The following NAA35 variants were observed in gnomAD, a reference collection of about 807,000 sequenced individuals.
NAA35 encodes the protein MAK10 homolog, amino-acid N-acetyltransferase subunit.
In NAA35, 18 loss-of-function variants were observed where a neutral mutation model predicts 101.7. The observed-to-expected ratio is 0.18, with a 90% CI of 0.12 to 0.26. The LOEUF (loss-of-function observed/expected upper bound fraction) is 0.26. Ranked by LOEUF, NAA35 falls within the 10% of genes least tolerant of loss-of-function variation. The pLI is 1.00. For synonymous variants in NAA35, 267 were observed against 273.1 expected (o/e 0.98, Z 0.22); for missense variants, 601 against 886.8 (o/e 0.68, Z 4.09).
At chr9:85,955,824 G>A (rs1354183076) in intron 2 of NAA35, among the ~76,000 whole-genome samples, 1 of 152,172 alleles carries the variant, frequency 6.6e-6, no homozygotes, top group Non-Finnish European at 1.5e-5. Context: ...AAGTTTCTCA[G>A]TTGACCCTAA....
chr9:86,020,914 A>G lies in NAA35; in HGVS notation c.2063A>G (p.Lys688Arg). Residue 688 changes from lysine to arginine, a missense_variant, in exon 22 of 23, where the codon AAA becomes AGA. Lys to Arg is a conservative substitution (Grantham distance 26, BLOSUM62 2). Transcript: ENST00000361671. Reference sequence around the variant, plus strand: ...GTTAATAGAATTTTAAAGGTTGCCAAACCCAACTTTGTGGTTATGAAGTTA... The same window carrying G: ...GTTAATAGAATTTTAAAGGTTGCCAGACCCAACTTTGTGGTTATGAAGTTA... ...HEVNRILKVA[K>R]PNFVVMKLLA... 1.2e-6 allele frequency: 2 copies of G among 1,613,720 alleles called. No individual in the cohort carries two copies. The highest frequency in any genetic ancestry group is 1.7e-6 in the Non-Finnish European group (2 of 1,179,774).
intron 6 of NAA35, among the ~76,000 whole-genome samples, chr9:85,967,774 C>T (rs1420016427): frequency 6.6e-6 from 1 of 151,548 alleles, no homozygotes; most frequent in African/African-American, 2.4e-5. Flanking sequence ...TGCACTCCAG[C>T]CTGGGTGACA....
Position 86,022,095 on chromosome 9 carries a change from TTA to T in NAA35, c.*136_*137del, listed in dbSNP as rs1832588453. Reference sequence around the variant, plus strand: ...TAACAACTCATTATAAGGAATACTTTTAGTTTGACAGCCTTATATGACATGAA... The same window carrying T: ...TAACAACTCATTATAAGGAATACTTTGTTTGACAGCCTTATATGACATGAA... On this transcript the variant is annotated 3_prime_UTR_variant, in exon 23 of 23. Coordinates refer to ENST00000361671, the MANE Select transcript of NAA35 (RefSeq NM_024635.4). The T allele has an allele frequency of 7.7e-6, 5 of 649,060 alleles. No individual in the cohort carries two copies. The highest frequency in any genetic ancestry group is 1.3e-5 in the Non-Finnish European group (5 of 381,770). 40.2% of individuals were successfully genotyped at this position (649,060 alleles called of 1,614,324 possible). A position where few individuals can be genotyped will look rare whatever the true frequency, so the allele number is the denominator to read the frequency against.
chr9:85,983,705 T>C (rs1444961858), intron 11 of NAA35, among the ~76,000 whole-genome samples: 1 of 152,068 alleles, frequency 6.6e-6, no homozygotes, highest in Non-Finnish European at 1.5e-5. Flanking sequence ...TTCAGAGAGA[T>C]ACCTAATGTA....
chr9:86,020,000 G>A (rs767120471), intron 21 of NAA35, among the ~76,000 whole-genome samples: 2 of 152,216 alleles, frequency 1.3e-5, no homozygotes, highest in Non-Finnish European at 2.9e-5. Flanking sequence ...AGATCTTTAT[G>A]TACTGTGATG....
In NAA35 at chr9:85,973,126, C is replaced by T. The variant is rs992619830; in HGVS notation, c.517-1841C>T. On this transcript the variant is annotated intron_variant, in intron 6 of 22. Transcript: ENST00000361671. ...AAGAAAATCATTTTGGTGTGGGAGC[C>T]GTGAGAGGAGAACGTGTTTGGTATG... 2.0e-5 allele frequency among the ~76,000 whole-genome samples: 3 copies of T among 151,968 alleles called. 1 individual carries two copies. Among genetic ancestry groups the T allele is most frequent in the South Asian group, 4.1e-4 (2 of 4,820 alleles).
chr9:85,987,980 C>T (rs1377136929), intron 11 of NAA35, among the ~76,000 whole-genome samples: 2 of 152,318 alleles, frequency 1.3e-5, no homozygotes, highest in Admixed American at 6.5e-5. Context: ...GGGGCTCTGC[C>T]AGAAAACATG....
chr9:85,992,596 G>A (rs1394075390), intron 11 of NAA35, among the ~76,000 whole-genome samples: 1 of 152,146 alleles, frequency 6.6e-6, no homozygotes, highest in Non-Finnish European at 1.5e-5. Context: ...ATATGAATCT[G>A]ATCATGAGGA....
At chr9:85,956,467 T>C in intron 3 of NAA35, 74 bp downstream of exon 3, 1 of 794,002 alleles carries the variant, frequency 1.3e-6, no homozygotes, top group South Asian at 2.4e-5. Flanking sequence ...TGGAGTAATA[T>C]TCCCTGAAGT....
At chr9:85,947,045 A>G (rs573101770) in intron 2 of NAA35, among the ~76,000 whole-genome samples, 34 of 152,302 alleles carry the variant, frequency 2.2e-4, no homozygotes, top group African/African-American at 7.9e-4. Flanking sequence ...TTCTAAGGCC[A>G]TGTTTCTTCA....
chr9:85,977,934 A>ATT (rs567897071), intron 10 of NAA35, among the ~76,000 whole-genome samples: 2 of 143,126 alleles, frequency 1.4e-5, no homozygotes, highest in Admixed American at 1.4e-4. Context: ...ATTTCTTCCC[A>ATT]TTTTTTTTTT....
chr9:86,018,158 T>TTTA, intron 19 of NAA35, 97 bp from the exon 20 acceptor site: 1 of 1,118,284 alleles, frequency 8.9e-7, no homozygotes, highest in Non-Finnish European at 1.3e-6. Context: ...TGCTTGAAGG[T>TTTA]TTTAAATAGC....
At chr9:85,948,097 T>A (rs1828845717) in intron 2 of NAA35, among the ~76,000 whole-genome samples, 2 of 152,224 alleles carry the variant, frequency 1.3e-5, no homozygotes, top group African/African-American at 4.8e-5. Context: ...TTTGGGCAGC[T>A]TGCTTTTATA....
chr9:85,967,171 A>C (rs1315547145), intron 6 of NAA35, among the ~76,000 whole-genome samples: 1 of 152,120 alleles, frequency 6.6e-6, no homozygotes, highest in African/African-American at 2.4e-5. Flanking sequence ...GTAATTAGAA[A>C]TGTGGGTACT....
chr9:86,011,976 TATA>T (rs1587659299), intron 15 of NAA35, among the ~76,000 whole-genome samples: 1 of 142,734 alleles, frequency 7.0e-6, no homozygotes, highest in South Asian at 2.1e-4. Flanking sequence ...GTATATAATA[TATA>T]ATATATATTA....
At chr9:85,959,648 T>C in intron 4 of NAA35, 145 bp from the exon 5 acceptor site, 1 of 535,738 alleles carries the variant, frequency 1.9e-6, no homozygotes, top group South Asian at 2.9e-5. Context: ...TTTGGTGTGA[T>C]AGTTTTATCA....
intron 11 of NAA35, among the ~76,000 whole-genome samples, chr9:85,985,838 C>T (rs1263255826): frequency 1.3e-5 from 2 of 152,176 alleles, no homozygotes; most frequent in Non-Finnish European, 2.9e-5. Flanking sequence ...GAATTCTAGA[C>T]ACAAACCATC....
intron 2 of NAA35, among the ~76,000 whole-genome samples, chr9:85,949,844 G>C (rs899255623): frequency 1.3e-5 from 2 of 151,646 alleles, no homozygotes; most frequent in East Asian, 3.9e-4. Flanking sequence ...GTTACTGTTA[G>C]TTCAGTTGTT....
intron 8 of NAA35, among the ~76,000 whole-genome samples, chr9:85,976,081 G>A (rs1284446724): frequency 6.6e-6 from 1 of 152,086 alleles, no homozygotes; most frequent in African/African-American, 2.4e-5. Flanking sequence ...ACTTTTAGAT[G>A]AGGAAAATAC....
Sources: allele counts gnomAD v4.1 joint callset (sites outside exome capture counted in the v4.1 genomes callset), GRCh38; gene constraint gnomAD v4.1.1; transcripts MANE v1.5; gene names NCBI Gene and HGNC (gene_info 2026-07-23, HGNC 2026-07-21).